The following DNAH3 variants were observed in gnomAD, a reference collection of about 807,000 sequenced individuals.
DNAH3 encodes the protein dynein axonemal heavy chain 3.
DNAH3 carries 332 observed loss-of-function variants against 432.5 expected under a neutral mutation model. That is an observed-to-expected ratio of 0.77 (90% CI 0.70 to 0.84). The LOEUF (loss-of-function observed/expected upper bound fraction) is 0.84. DNAH3 is among the 40% of genes least tolerant of loss of function. The pLI, the probability that DNAH3 is intolerant of heterozygous loss-of-function variation, is 0.00. For synonymous variants in DNAH3, 1,956 were observed against 1,900.2 expected (o/e 1.03, Z -0.76); for missense variants, 4,861 against 5,114.0 (o/e 0.95, Z 1.51).
chr16:21,128,318 G>A (rs2092482135), intron 7 of DNAH3, among the ~76,000 whole-genome samples: 1 of 152,062 alleles, frequency 6.6e-6, no homozygotes, highest in Admixed American at 6.6e-5. Flanking sequence ...GGAGGCTAAG[G>A]AGAGAGGATG....
chr16:21,032,967 T>G (rs2088964621), intron 36 of DNAH3, among the ~76,000 whole-genome samples: 1 of 151,996 alleles, frequency 6.6e-6, no homozygotes, highest in Non-Finnish European at 1.5e-5. Context: ...TTTTATTATA[T>G]TCTATTATTT....
rs879302862 is a variant in DNAH3, at chr16:21,068,919, C to CT, written c.3381+495dup. On this transcript the variant is annotated intron_variant, in intron 23 of 61. Transcript: ENST00000261383. Reference sequence around the variant, plus strand: ...TTTCTATGTTACATATTTGTATTTGCTTTTTTTTTTTTTAATTTTTTTTGA... The same window carrying CT: ...TTTCTATGTTACATATTTGTATTTGCTTTTTTTTTTTTTTAATTTTTTTTGA... 3.2e-3 allele frequency among the ~76,000 whole-genome samples: 455 copies of CT among 143,576 alleles called. 2 individuals are homozygous for CT. The highest frequency in any genetic ancestry group is 9.6e-3 in the African/African-American group (379 of 39,400). 94.2% of individuals were successfully genotyped at this position (143,576 alleles called of 152,430 possible).
intron 41 of DNAH3, among the ~76,000 whole-genome samples, chr16:21,005,053 A>G (rs2087208734): frequency 1.3e-5 from 2 of 152,138 alleles, no homozygotes; most frequent in South Asian, 2.1e-4. Flanking sequence ...AATAGATTCA[A>G]TGCTCAGGGC....
chr16:20,991,321 A>G (rs2086547533), intron 44 of DNAH3, among the ~76,000 whole-genome samples: 1 of 151,566 alleles, frequency 6.6e-6, no homozygotes, highest in African/African-American at 2.4e-5. Flanking sequence ...TCTAGAGTGC[A>G]GTGGCACGAT....
intron 1 of DNAH3, among the ~76,000 whole-genome samples, chr16:21,157,608 G>A (rs1375305757): frequency 6.6e-6 from 1 of 152,102 alleles, no homozygotes. Context: ...GGGATTATAG[G>A]TGTGAGCCAC....
intron 1 of DNAH3, among the ~76,000 whole-genome samples, chr16:21,148,768 G>A (rs775491768): frequency 8.5e-5 from 13 of 152,126 alleles, no homozygotes; most frequent in Admixed American, 2.6e-4. Flanking sequence ...CCAGTCTGTC[G>A]ATCAGGAACA....
At chr16:21,125,519 C>G in intron 8 of DNAH3, 149 bp from the exon 10 acceptor site, 1 of 525,910 alleles carries the variant, frequency 1.9e-6, no homozygotes, top group South Asian at 4.2e-5. Context: ...TTCCAGCCAC[C>G]TTACCTGCCA....
rs561145251 is a variant in DNAH3, at chr16:21,037,335, C to T, written c.4950+426G>A. On this transcript the variant is annotated intron_variant, in intron 34 of 61. Coordinates refer to ENST00000261383, the Ensembl canonical transcript of DNAH3. ...AAAAACAAAACAAAAACAAAAAAAC[C>T]GTGTAATTTCTCCCCCAAATAATTT... Among the ~76,000 whole-genome samples, 12 of 151,998 alleles carry T rather than the reference C, an allele frequency of 7.9e-5. No individual in the cohort carries two copies. The South Asian group carries it at 1.9e-3, about 24-fold the overall frequency.
At chr16:21,007,055 C>T (rs1465932767) in intron 41 of DNAH3, among the ~76,000 whole-genome samples, 3 of 152,130 alleles carry the variant, frequency 2.0e-5, no homozygotes, top group Non-Finnish European at 4.4e-5. Context: ...TTCTGATCTT[C>T]CTGCATCCTC....
intron 6 of DNAH3, among the ~76,000 whole-genome samples, chr16:21,136,028 AG>A (rs1328128572): frequency 6.6e-6 from 1 of 152,064 alleles, no homozygotes; most frequent in Non-Finnish European, 1.5e-5. Flanking sequence ...CAGTGATGGT[AG>A]GGGGATGCAG....
At chr16:20,937,155 C>T (rs1366950492) in intron 59 of DNAH3, among the ~76,000 whole-genome samples, 1 of 152,002 alleles carries the variant, frequency 6.6e-6, no homozygotes, top group Non-Finnish European at 1.5e-5. Context: ...CCTAAATTGT[C>T]CTTTTTTTCT....
At chr16:20,952,487 T>C in exon 56 of DNAH3, 1 of 1,613,636 alleles carries the variant, frequency 6.2e-7, no homozygotes, top group Non-Finnish European at 8.5e-7. Flanking sequence ...TTGAGAAACA[T>C]CTGGATCTGC....
intron 1 of DNAH3, among the ~76,000 whole-genome samples, chr16:21,149,945 G>C (rs1269071061): frequency 6.6e-6 from 1 of 152,092 alleles, no homozygotes; most frequent in Non-Finnish European, 1.5e-5. Flanking sequence ...AGGTAAATCG[G>C]CCAGACACGG....
chr16:20,974,579 G>GGT (rs1555514733), intron 51 of DNAH3, among the ~76,000 whole-genome samples: 1 of 81,830 alleles, frequency 1.2e-5, no homozygotes, highest in Non-Finnish European at 2.1e-5. Flanking sequence ...GTTTTATAGT[G>GGT]TTTTTTTTTT....
exon 53 of DNAH3, chr16:20,963,339 G>A: frequency 6.2e-7 from 1 of 1,614,092 alleles, no homozygotes; most frequent in Admixed American, 1.7e-5. Flanking sequence ...CACAGCAGCT[G>A]GAATCATTGT....
chr16:20,998,793 A>G (rs1357805802), intron 43 of DNAH3, among the ~76,000 whole-genome samples: 1 of 151,498 alleles, frequency 6.6e-6, no homozygotes, highest in Non-Finnish European at 1.5e-5. Context: ...TTTCTTCAAC[A>G]AACAATTGTT....
At chr16:20,995,461 C>T (rs1315091873) in intron 44 of DNAH3, among the ~76,000 whole-genome samples, 1 of 152,052 alleles carries the variant, frequency 6.6e-6, no homozygotes, top group Non-Finnish European at 1.5e-5. Flanking sequence ...TGGGGTTTCG[C>T]CATCTTGGCC....
At chr16:21,085,784 C>T (rs920702894) in intron 19 of DNAH3, among the ~76,000 whole-genome samples, 21 of 151,854 alleles carry the variant, frequency 1.4e-4, no homozygotes, top group East Asian at 9.7e-4. Flanking sequence ...CAGTCTTATA[C>T]GTGGCTTTTT....
intron 24 of DNAH3, among the ~76,000 whole-genome samples, chr16:21,063,832 G>A (rs187927586): frequency 1.1e-3 from 160 of 152,284 alleles, no homozygotes; most frequent in African/African-American, 3.8e-3. Flanking sequence ...GTGAGCCACT[G>A]CACTCAGCCC....
Sources: allele counts gnomAD v4.1 joint callset (sites outside exome capture counted in the v4.1 genomes callset), GRCh38; gene constraint gnomAD v4.1.1; transcripts MANE v1.5; gene names NCBI Gene and HGNC (gene_info 2026-07-23, HGNC 2026-07-21).